The following KLHL18 variants were observed in gnomAD, a reference collection of about 807,000 sequenced individuals.
KLHL18 encodes kelch like family member 18, also known as kelch-like protein 18.
A neutral mutation model predicts 58.5 loss-of-function variants in KLHL18; 38 were observed. That is an observed-to-expected ratio of 0.65 (90% CI 0.50 to 0.85). The LOEUF (loss-of-function observed/expected upper bound fraction) is 0.85, where lower values mean the gene tolerates loss of function less well. KLHL18 is among the 40% of genes least tolerant of loss of function. The probability of loss-of-function intolerance (pLI) is 0.00; values close to 1 mark genes in which losing one functional copy is unlikely to be tolerated. For missense variants in KLHL18, 624 were observed against 778.4 expected (o/e 0.80, Z 2.36); for synonymous variants, 303 against 301.9 (o/e 1.00, Z -0.04).
chr3:47,288,074 A>C (rs1702714268), intron 1 of KLHL18, among the ~76,000 whole-genome samples: 1 of 152,030 alleles, frequency 6.6e-6, no homozygotes, highest in Admixed American at 6.6e-5. Context: ...TACAAAAATT[A>C]GCTGGACATG....
intron 1 of KLHL18, among the ~76,000 whole-genome samples, chr3:47,314,049 ATTTTTC>A (rs1703367645): frequency 6.6e-6 from 1 of 152,042 alleles, no homozygotes; most frequent in Admixed American, 6.6e-5. Flanking sequence ...ATTTTATTTT[ATTTTTC>A]GAGACATTCT....
At chr3:47,323,094 CTT>C (rs199584043) in intron 3 of KLHL18, among the ~76,000 whole-genome samples, 1 of 146,470 alleles carries the variant, frequency 6.8e-6, no homozygotes, top group African/African-American at 2.5e-5. Flanking sequence ...CTTTTCTTTT[CTT>C]TTTTTTTTTC....
At chr3:47,296,447 G>C (rs892032894) in intron 1 of KLHL18, among the ~76,000 whole-genome samples, 4 of 152,210 alleles carry the variant, frequency 2.6e-5, no homozygotes, top group African/African-American at 9.7e-5. Flanking sequence ...GAGACACCCT[G>C]CTGTGAATGG....
intron 1 of KLHL18, among the ~76,000 whole-genome samples, chr3:47,288,040 G>T (rs962120842): frequency 2.6e-5 from 4 of 151,986 alleles, no homozygotes; most frequent in African/African-American, 9.7e-5. Flanking sequence ...TGCCAACATG[G>T]TGAAACCCCA....
Position 47,336,409 on chromosome 3 carries a change from C to T in KLHL18, c.899-126C>T, listed in dbSNP as rs533405374. The T allele has an allele frequency of 4.8e-6, 4 of 827,514 alleles. No homozygotes were observed. In the South Asian group the frequency reaches 7.0e-5, roughly 15 times the overall value. The allele number at this position is 827,514 out of a possible 1,614,324, so 51.3% of individuals were successfully genotyped here. ...GAAATTTCTTAGTGGGCCCTTGTGC[C>T]TTGAGTAATTCTGTGGGAAGAGCTA... On this transcript the variant is annotated intron_variant, in intron 6 of 9. Coordinates refer to ENST00000232766, the MANE Select transcript of KLHL18 (RefSeq NM_025010.5).
At chr3:47,325,856 G>A (rs1327834198) in intron 3 of KLHL18, among the ~76,000 whole-genome samples, 1 of 150,664 alleles carries the variant, frequency 6.6e-6, no homozygotes, top group African/African-American at 2.4e-5. Flanking sequence ...TGCCACCTCT[G>A]CCTCCCGAGC....
chr3:47,299,939 C>T (rs1184058132), intron 1 of KLHL18, among the ~76,000 whole-genome samples: 2 of 151,042 alleles, frequency 1.3e-5, no homozygotes, highest in Non-Finnish European at 2.9e-5. Context: ...AACATCAAAC[C>T]TTATCTGAAT....
In KLHL18 at chr3:47,333,294, G is replaced by A; in HGVS notation, c.738G>A (p.Leu246=). 1 of 1,613,974 alleles carries A rather than the reference G, an allele frequency of 6.2e-7. No individual in the cohort carries two copies. The highest frequency in any genetic ancestry group is 1.1e-5 in the South Asian group (1 of 91,056). The change falls in exon 5 of 10, where the codon CTG becomes CTA. Residue 246 remains leucine (L), a synonymous_variant. Coordinates refer to ENST00000232766, the MANE Select transcript of KLHL18 (RefSeq NM_025010.5). The part of the protein sequence containing the change: ...FLSDRVQQDD[L]VRCCHKCRDL... ...CAGACAGAGTACAGCAGGATGACCTGGTGCGTTGCTGCCACAAATGCAGGT... is the reference window on the plus strand; with the variant it reads ...CAGACAGAGTACAGCAGGATGACCTAGTGCGTTGCTGCCACAAATGCAGGT...
chr3:47,313,530 C>G (rs923758313), intron 1 of KLHL18, among the ~76,000 whole-genome samples: 68 of 152,272 alleles, frequency 4.5e-4, no homozygotes, highest in African/African-American at 1.5e-3. Flanking sequence ...ACAACTTTTT[C>G]CTTTTGCCCA....
At chr3:47,313,011 G>A (rs545317828) in intron 1 of KLHL18, among the ~76,000 whole-genome samples, 4 of 148,096 alleles carry the variant, frequency 2.7e-5, no homozygotes, top group South Asian at 4.3e-4. Context: ...CCAGGTTCAC[G>A]CCATTCTCCT....
intron 1 of KLHL18, among the ~76,000 whole-genome samples, chr3:47,315,635 G>A (rs1004142559): frequency 6.6e-6 from 1 of 152,160 alleles, no homozygotes; most frequent in Non-Finnish European, 1.5e-5. Flanking sequence ...TCAAATGGCC[G>A]ATTCTTGCCT....
intron 1 of KLHL18, among the ~76,000 whole-genome samples, chr3:47,316,564 T>C (rs563132191): frequency 1.2e-5 from 1 of 83,088 alleles, no homozygotes; most frequent in African/African-American, 6.6e-5. Flanking sequence ...TACATATATA[T>C]GTATATGTGT....
intron 3 of KLHL18, among the ~76,000 whole-genome samples, chr3:47,326,009 A>G (rs939170596): frequency 6.6e-6 from 1 of 151,782 alleles, no homozygotes; most frequent in Non-Finnish European, 1.5e-5. Context: ...ATGCAGTGGC[A>G]TGATCTCAGC....
chr3:47,333,168 T>C lies in KLHL18; in HGVS notation c.612T>C (p.Ala204=). The change falls in exon 5 of 10, where the codon GCT becomes GCC. Residue 204 remains alanine (A), a synonymous_variant. Transcript: ENST00000232766. ...CACTCTCATGACAGGTCTTTGAAGC[T>C]GCATTGGCCTGGGTCAGATACGACC... ...NVKSEEQVFE[A]ALAWVRYDRE... is the part of the protein sequence containing the mutation. 3.7e-6 allele frequency: 6 copies of C among 1,613,350 alleles called. No individual in the cohort carries two copies. Among genetic ancestry groups the C allele is most frequent in the Non-Finnish European group, 5.1e-6 (6 of 1,179,624 alleles).
Position 47,321,835 on chromosome 3 carries a change from T to C in KLHL18, c.261-733T>C, listed in dbSNP as rs1004811859. ...TGGCATTTGAGCTGAGACATCTTAA[T>C]TGAAGTGAGGGAATGAGCCATCTGG... is the stretch of plus-strand genomic sequence containing the variant. On this transcript the variant is annotated intron_variant, in intron 2 of 9. Transcript: ENST00000232766. Among the ~76,000 whole-genome samples the C allele has an allele frequency of 1.2e-4, 18 of 152,242 alleles. 1 individual carries two copies. Among genetic ancestry groups the C allele is most frequent in the Admixed American group, 7.2e-4 (11 of 15,284 alleles).
intron 8 of KLHL18, among the ~76,000 whole-genome samples, chr3:47,342,338 G>A (rs766667319): frequency 6.6e-6 from 1 of 152,222 alleles, no homozygotes; most frequent in African/African-American, 2.4e-5. Flanking sequence ...AACCAGCCAG[G>A]ACTTGGGGGA....
intron 3 of KLHL18, 119 bp downstream of exon 3, chr3:47,322,827 T>C: frequency 1.0e-6 from 1 of 960,876 alleles, no homozygotes; most frequent in Non-Finnish European, 1.4e-6. Context: ...GCTGGAAAGG[T>C]TATTCTGCAG....
chr3:47,327,607 A>G (rs2107642718), intron 3 of KLHL18, among the ~76,000 whole-genome samples: 1 of 152,380 alleles, frequency 6.6e-6, no homozygotes, highest in African/African-American at 2.4e-5. Context: ...CTGAGCTGAC[A>G]TTCTGACCTT....
At chr3:47,312,736 G>C (rs769607618) in intron 1 of KLHL18, among the ~76,000 whole-genome samples, 1 of 152,032 alleles carries the variant, frequency 6.6e-6, no homozygotes, top group African/African-American at 2.4e-5. Flanking sequence ...TGAGAGGCTA[G>C]GTTTCATTAT....
Sources: allele counts gnomAD v4.1 joint callset (sites outside exome capture counted in the v4.1 genomes callset), GRCh38; gene constraint gnomAD v4.1.1; transcripts MANE v1.5; gene names NCBI Gene and HGNC (gene_info 2026-07-23, HGNC 2026-07-21).